The following NFIB variants were observed in gnomAD, a reference collection of about 807,000 sequenced individuals.
NFIB encodes the protein nuclear factor 1 B-type.
NFIB carries 11 observed loss-of-function variants against 61.5 expected under a neutral mutation model. The ratio of observed to expected loss-of-function variants is 0.18; its 90% CI spans 0.11 to 0.30. The LOEUF is 0.30. NFIB is among the 10% of genes least tolerant of loss of function. The pLI, the probability that NFIB is intolerant of heterozygous loss-of-function variation, is 1.00. For synonymous variants in NFIB, 260 were observed against 216.5 expected, an observed-to-expected ratio of 1.20 and a Z score of -1.76; for missense variants, 471 against 608.9, an observed-to-expected ratio of 0.77 and a Z score of 2.38.
intron 2 of NFIB, among the ~76,000 whole-genome samples, chr9:14,198,349 A>G (rs760462548): frequency 6.6e-6 from 1 of 152,196 alleles, no homozygotes; most frequent in Non-Finnish European, 1.5e-5. Context: ...CCTAAAATTT[A>G]GAGTTTAAAC....
chr9:14,319,848 GA>G (rs1032893121), intron 1 of NFIB, among the ~76,000 whole-genome samples: 9 of 152,072 alleles, frequency 5.9e-5, no homozygotes, highest in African/African-American at 2.2e-4. Context: ...CATAACAACA[GA>G]ATTGTGCATT....
chr9:14,291,795 T>A (rs1261027720), intron 2 of NFIB, among the ~76,000 whole-genome samples: 1 of 144,724 alleles, frequency 6.9e-6, no homozygotes, highest in Admixed American at 7.0e-5. Context: ...AAAATCTGAC[T>A]TTCAGTTAAA....
the NFIB span, among the ~76,000 whole-genome samples, chr9:14,466,138 C>G: frequency 1.3e-5 from 2 of 152,212 alleles, no homozygotes; most frequent in East Asian, 3.9e-4. Context: ...GGAGAGAGCC[C>G]GCATCTCAGC....
the NFIB span, among the ~76,000 whole-genome samples, chr9:14,491,292 TA>T: frequency 2.0e-5 from 3 of 151,874 alleles, no homozygotes; most frequent in African/African-American, 4.9e-5. Flanking sequence ...GCTTTTGACA[TA>T]TCTAAAAAAA....
intron 1 of NFIB, among the ~76,000 whole-genome samples, chr9:14,311,624 C>T (rs1447829210): frequency 6.6e-6 from 1 of 152,170 alleles, no homozygotes; most frequent in Non-Finnish European, 1.5e-5. Flanking sequence ...CCAACATTCC[C>T]TGTCTCAATG....
At chr9:14,147,637 T>TC (rs2042410363) in intron 5 of NFIB, among the ~76,000 whole-genome samples, 1 of 728 alleles carries the variant, frequency 1.4e-3, no homozygotes, top group Non-Finnish European at 5.3e-3. Context: ...AAAATGATAC[T>TC]TTTTTTTTTT....
At chr9:14,225,697 G>A (rs2052311873) in intron 2 of NFIB, among the ~76,000 whole-genome samples, 1 of 151,858 alleles carries the variant, frequency 6.6e-6, no homozygotes, top group Non-Finnish European at 1.5e-5. Flanking sequence ...ATAGGCATGG[G>A]GCTTAAAGGG....
chr9:14,190,098 G>T (rs2047783168), intron 2 of NFIB, among the ~76,000 whole-genome samples: 1 of 152,014 alleles, frequency 6.6e-6, no homozygotes. Context: ...TAGCTAAAAA[G>T]ATACTTTGCC....
chr9:14,470,930 G>C, the NFIB span, among the ~76,000 whole-genome samples: 34 of 152,266 alleles, frequency 2.2e-4, no homozygotes, highest in East Asian at 6.6e-3. Context: ...CCACTTCCAA[G>C]ATAAAAAGGA....
At chr9:14,398,742 G>C in exon 1 of NFIB, 1 of 676,598 alleles carries the variant, frequency 1.5e-6, no homozygotes, top group Non-Finnish European at 2.4e-6. Context: ...CAGCTTCATA[G>C]GAATGAACAG....
At chr9:14,448,255 A>G in the NFIB span, among the ~76,000 whole-genome samples, 3 of 152,198 alleles carry the variant, frequency 2.0e-5, no homozygotes, top group Admixed American at 6.5e-5. Context: ...TGTCATATGA[A>G]TCTGTCTTAA....
At chr9:14,512,140 G>A in the NFIB span, among the ~76,000 whole-genome samples, 2 of 152,086 alleles carry the variant, frequency 1.3e-5, no homozygotes, top group Non-Finnish European at 1.5e-5. Context: ...CTAACTCTGG[G>A]TTTCCCAAGA....
chr9:14,498,059 C>G, the NFIB span, among the ~76,000 whole-genome samples: 4 of 152,174 alleles, frequency 2.6e-5, no homozygotes, highest in African/African-American at 9.7e-5. Context: ...GTTTATGTCA[C>G]TTGCAACTAA....
chr9:14,527,337 C>G, the NFIB span, among the ~76,000 whole-genome samples: 1 of 151,994 alleles, frequency 6.6e-6, no homozygotes, highest in Non-Finnish European at 1.5e-5. Flanking sequence ...TTCGATAAAC[C>G]ATTATTCTTT....
chr9:14,451,624 C>CA, the NFIB span, among the ~76,000 whole-genome samples: 1 of 152,198 alleles, frequency 6.6e-6, no homozygotes, highest in Non-Finnish European at 1.5e-5. Flanking sequence ...AACTAGCATA[C>CA]AAGTATCCAG....
At chr9:14,273,221 T>A (rs2132347580) in intron 2 of NFIB, among the ~76,000 whole-genome samples, 1 of 152,234 alleles carries the variant, frequency 6.6e-6, no homozygotes, top group South Asian at 2.1e-4. Context: ...TTCCCCCTCA[T>A]CAATCCCAAA....
At chr9:14,444,858 C>T in the NFIB span, among the ~76,000 whole-genome samples, 1 of 152,260 alleles carries the variant, frequency 6.6e-6, no homozygotes, top group Non-Finnish European at 1.5e-5. Flanking sequence ...CTGCCTTCTC[C>T]AAGAGGCAAC....
At chr9:14,142,941 T>C (rs1160412801) in intron 6 of NFIB, among the ~76,000 whole-genome samples, 3 of 152,100 alleles carry the variant, frequency 2.0e-5, no homozygotes, top group Non-Finnish European at 2.9e-5. Flanking sequence ...TCAGTATTAT[T>C]TTCCTTTTCA....
At chr9:14,518,307 C>T in the NFIB span, among the ~76,000 whole-genome samples, 1 of 152,194 alleles carries the variant, frequency 6.6e-6, no homozygotes, top group East Asian at 1.9e-4. Flanking sequence ...ACAGGCAACT[C>T]ATGACTTGCT....
Sources: allele counts gnomAD v4.1 joint callset (sites outside exome capture counted in the v4.1 genomes callset), GRCh38; gene constraint gnomAD v4.1.1; transcripts MANE v1.5; gene names NCBI Gene and HGNC (gene_info 2026-07-23, HGNC 2026-07-21).